The following C10orf67 variants were observed in gnomAD, a reference collection of about 807,000 sequenced individuals.
The protein encoded by C10orf67 is uncharacterized protein C10orf67, mitochondrial.
In C10orf67, 60 loss-of-function variants were observed where a neutral mutation model predicts 35.6. The ratio of observed to expected loss-of-function variants is 1.68; its 90% confidence interval spans 1.37 to 2.09. C10orf67 has a LOEUF of 2.09. Ranked by LOEUF, C10orf67 falls within the 30% of genes most tolerant of loss-of-function variation. The pLI is 0.00. For synonymous variants in C10orf67, 167 were observed against 115.8 expected, an observed-to-expected ratio of 1.44 and a Z score of -2.84; for missense variants, 474 against 330.2, an observed-to-expected ratio of 1.44 and a Z score of -3.38.
At position 23,231,870 on chromosome 10, in the gene C10orf67, G is replaced by A. The variant is rs184307095; in HGVS notation, c.1434+7859C>T. On this transcript the variant is annotated intron_variant, in intron 13 of 15. Transcript: ENST00000636213. ...CATGAATGAATCTTAGAATTATAAT[G>A]TTGAGAAAATGGAGCAAAATCACAG... 3.0e-3 allele frequency among the ~76,000 whole-genome samples: 457 copies of A among 152,294 alleles called. 4 individuals are homozygous for A. Among genetic ancestry groups the A allele is most frequent in the African/African-American group, 0.01 (436 of 41,566 alleles).
At chr10:23,344,543 C>A (rs1246240322) in intron 1 of C10orf67, 26 bp downstream of exon 1, 1 of 1,556,662 alleles carries the variant, frequency 6.4e-7, no homozygotes, top group South Asian at 1.2e-5. Context: ...GCTTCCTCCT[C>A]TACCCAGGCG....
chr10:23,314,766 C>T (rs941727088), intron 4 of C10orf67, among the ~76,000 whole-genome samples: 2 of 152,158 alleles, frequency 1.3e-5, no homozygotes, highest in Non-Finnish European at 2.9e-5. Flanking sequence ...TTCTTTGCCA[C>T]GTGGGTTTCC....
In C10orf67 at chr10:23,292,435, T is replaced by C. The variant is rs555158340; in HGVS notation, c.703-1156A>G. On this transcript the variant is annotated intron_variant, in intron 5 of 15. Transcript: ENST00000636213. ...ATTACTATAGACATTAAAAATACTT[T>C]TGATCTTAAGGTCATCACAGGTGAA... 3.3e-5 allele frequency among the ~76,000 whole-genome samples: 5 copies of C among 152,276 alleles called. 1 individual carries two copies. Among genetic ancestry groups the C allele is most frequent in the African/African-American group, 1.2e-4 (5 of 41,560 alleles).
chr10:23,313,706 C>A (rs569587359), intron 4 of C10orf67, among the ~76,000 whole-genome samples: 1 of 152,232 alleles, frequency 6.6e-6, no homozygotes, highest in African/African-American at 2.4e-5. Flanking sequence ...CTGAGGGAAG[C>A]AGGCGACGGC....
At position 23,240,240 on chromosome 10, in the gene C10orf67, T is replaced by C. The variant is rs149376953; in HGVS notation, c.1347-424A>G. On this transcript the variant is annotated intron_variant, in intron 12 of 15. Coordinates refer to ENST00000636213, the MANE Select transcript of C10orf67 (RefSeq NM_001371909.1). ...CACACACAAACCACACAAACTTACA[T>C]GTTTTTCAGCTCAGAAAAGGCATAG... Among the ~76,000 whole-genome samples the C allele has an allele frequency of 5.3e-5, 8 of 152,158 alleles. No individual in the cohort carries two copies. In the East Asian group the frequency reaches 1.5e-3, roughly 29 times the overall value.
intron 2 of C10orf67, among the ~76,000 whole-genome samples, chr10:23,332,227 ACT>A (rs1020773977): frequency 1.3e-5 from 2 of 152,318 alleles, no homozygotes; most frequent in East Asian, 1.9e-4. Flanking sequence ...AAATGAGGAA[ACT>A]CTATGTGTCA....
chr10:23,342,815 G>T (rs1845956742), intron 1 of C10orf67, among the ~76,000 whole-genome samples: 1 of 152,202 alleles, frequency 6.6e-6, no homozygotes, highest in South Asian at 2.1e-4. Flanking sequence ...TGCCTCACTG[G>T]GTCAGTCCCA....
chr10:23,268,633 T>C (rs959387135), intron 8 of C10orf67, among the ~76,000 whole-genome samples: 1 of 152,234 alleles, frequency 6.6e-6, no homozygotes, highest in African/African-American at 2.4e-5. Context: ...TATACTTAGT[T>C]GGTTTCAATG....
chr10:23,224,029 A>G (rs995114147), intron 13 of C10orf67, among the ~76,000 whole-genome samples: 4 of 152,198 alleles, frequency 2.6e-5, no homozygotes, highest in Admixed American at 6.5e-5. Context: ...AAAATTTAAG[A>G]AAACGATTTT....
Position 23,266,349 on chromosome 10 carries a change from C to G in C10orf67, c.1113G>C (p.Arg371Ser), listed in dbSNP as rs1195435334. The part of the protein sequence containing the change: ...PKSPPSTTAL[R>S]PHSATMSVSS... ...ATACACTCATGGTCGCAGAATGTGG[C>G]CTCAAAGCTGTGGTGCTGGGTGGAG... The change falls in exon 10 of 16, where the codon AGG becomes AGC. Residue 371 changes from arginine to serine, a missense_variant. Physicochemically the swap from Arg to Ser is moderately radical, Grantham distance 110. Transcript: ENST00000636213. The G allele has an allele frequency of 2.5e-5, 10 of 398,498 alleles. No individual in the cohort carries two copies. In the Admixed American group the frequency reaches 3.5e-4, roughly 14 times the overall value. The allele number at this position is 398,498 out of a possible 1,614,324, so 24.7% of individuals were successfully genotyped here. A position where few individuals can be genotyped will look rare whatever the true frequency, so the allele number is the denominator to read the frequency against.
At chr10:23,275,705 A>G (rs890627530) in intron 8 of C10orf67, among the ~76,000 whole-genome samples, 1 of 152,110 alleles carries the variant, frequency 6.6e-6, no homozygotes, top group Admixed American at 6.6e-5. Flanking sequence ...GGAAACCTCA[A>G]CTGACCCCTC....
At chr10:23,324,761 T>C (rs1237513994) in intron 2 of C10orf67, among the ~76,000 whole-genome samples, 5 of 152,188 alleles carry the variant, frequency 3.3e-5, no homozygotes, top group Non-Finnish European at 5.9e-5. Flanking sequence ...CCTGACCTTC[T>C]TTATTGTCCT....
At chr10:23,320,135 T>C (rs371404382) in intron 4 of C10orf67, among the ~76,000 whole-genome samples, 7 of 152,200 alleles carry the variant, frequency 4.6e-5, no homozygotes, top group African/African-American at 1.4e-4. Context: ...AGCAATTACA[T>C]AATTAAATAC....
intron 8 of C10orf67, among the ~76,000 whole-genome samples, chr10:23,275,862 G>T (rs1034902208): frequency 6.6e-6 from 1 of 152,104 alleles, no homozygotes; most frequent in Non-Finnish European, 1.5e-5. Flanking sequence ...TTGAATGCTA[G>T]CTCACTTGAC....
intron 7 of C10orf67, among the ~76,000 whole-genome samples, chr10:23,287,398 G>A (rs1843577495): frequency 6.6e-6 from 1 of 152,172 alleles, no homozygotes; most frequent in African/African-American, 2.4e-5. Flanking sequence ...TCCAGTAAAT[G>A]GTGCTGGGAA....
At chr10:23,340,529 T>C (rs925799952) in intron 1 of C10orf67, among the ~76,000 whole-genome samples, 2 of 152,074 alleles carry the variant, frequency 1.3e-5, no homozygotes, top group Non-Finnish European at 2.9e-5. Flanking sequence ...TGGCAGATTC[T>C]TCTTCTAACT....
At chr10:23,320,631 C>T (rs1360423483) in intron 4 of C10orf67, 110 bp downstream of exon 4, 7 of 745,602 alleles carry the variant, frequency 9.4e-6, no homozygotes, top group African/African-American at 1.8e-5. Context: ...AGGAAACAGG[C>T]CTTCAGAGCT....
chr10:23,282,283 C>T (rs1312617616), intron 7 of C10orf67, among the ~76,000 whole-genome samples: 4 of 151,964 alleles, frequency 2.6e-5, no homozygotes, highest in Non-Finnish European at 5.9e-5. Context: ...CAGAAAATAC[C>T]GATTTATTTA....
intron 15 of C10orf67, among the ~76,000 whole-genome samples, chr10:23,213,423 C>G (rs117571367): frequency 0.02 from 3,080 of 152,218 alleles, 41 homozygotes; most frequent in Non-Finnish European, 0.029. Flanking sequence ...AAAGAAAACA[C>G]TAAATAACTA....
Sources: allele counts gnomAD v4.1 joint callset (sites outside exome capture counted in the v4.1 genomes callset), GRCh38; gene constraint gnomAD v4.1.1; transcripts MANE v1.5; gene names NCBI Gene and HGNC (gene_info 2026-07-23, HGNC 2026-07-21).